IL36G: variants seen among roughly 807,000 people sequenced by gnomAD.
IL36G encodes interleukin 36 gamma.
In IL36G, 10 loss-of-function variants were observed where a neutral mutation model predicts 13.5. That is an observed-to-expected ratio of 0.74 (90% CI 0.46 to 1.26). IL36G has a LOEUF of 1.26. IL36G is among the 50% of genes most tolerant of loss of function. The pLI is 0.00. For missense variants in IL36G, 199 were observed against 203.0 expected, an observed-to-expected ratio of 0.98 and a Z score of 0.12; for synonymous variants, 84 against 74.0, an observed-to-expected ratio of 1.13 and a Z score of -0.69.
chr2:112,978,733 G>A (rs749349270), intron 2 of IL36G, 40 bp downstream of exon 2: 1 of 1,592,664 alleles, frequency 6.3e-7, no homozygotes, highest in South Asian at 1.1e-5. Context: ...TGGAGGCTTA[G>A]GCCCTCTGCA....
intron 4 of IL36G, chr2:112,981,317 T>C: frequency 1.1e-6 from 1 of 946,770 alleles, no homozygotes; most frequent in Admixed American, 1.7e-5. Context: ...ATTTTTAGGC[T>C]TGGCCTCTGG....
rs1201041305 is a variant in IL36G, at chr2:112,980,132, C to A, written c.284C>A (p.Pro95His). 6.2e-7 allele frequency: 1 copy of A among 1,613,568 alleles called. No individual in the cohort carries two copies. The highest frequency in any genetic ancestry group is 1.1e-5 in the South Asian group (1 of 90,900). Residue 95 changes from proline (P) to histidine (H), a missense_variant, in exon 4 of 5, where the codon CCC becomes CAC. By Grantham distance (77) the Pro-to-His change is moderately conservative (BLOSUM62 -2). Coordinates refer to ENST00000259205, the MANE Select transcript of IL36G (RefSeq NM_019618.4). ...TATTGTGAGAAGGTTGGAGAACAGC[C>A]CACATTGCAGCTAAAAGTGAGTAGC... is the stretch of plus-strand genomic sequence containing the variant. ...CLYCEKVGEQ[P>H]TLQLKEQKIM...
At chr2:112,981,419 C>G (rs1331687945) in intron 4 of IL36G, 1 of 711,888 alleles carries the variant, frequency 1.4e-6, no homozygotes, top group Non-Finnish European at 2.6e-6. Flanking sequence ...TCCCCTTCAG[C>G]CTTTCTCCTG....
chr2:112,979,794 C>T (rs1377782232), intron 3 of IL36G, among the ~76,000 whole-genome samples: 1 of 152,050 alleles, frequency 6.6e-6, no homozygotes, highest in Admixed American at 6.6e-5. Context: ...CTGCTTAGCT[C>T]TCTGTGTTTG....
intron 4 of IL36G, among the ~76,000 whole-genome samples, chr2:112,984,449 C>T (rs1391778249): frequency 6.6e-6 from 1 of 152,156 alleles, no homozygotes; most frequent in East Asian, 1.9e-4. Context: ...TGTCCTTTGT[C>T]ACGCCGGTGG....
chr2:112,983,818 C>T (rs1684307156), intron 4 of IL36G, among the ~76,000 whole-genome samples: 1 of 152,098 alleles, frequency 6.6e-6, no homozygotes, highest in African/African-American at 2.4e-5. Context: ...AGTTCACTTA[C>T]CTGCCTTATG....
In IL36G at chr2:112,980,915, G is replaced by T. The variant is rs1263093513; in HGVS notation, c.300+767G>T. Among the ~76,000 whole-genome samples, 6 of 152,222 alleles carry T rather than the reference G, an allele frequency of 3.9e-5. No individual in the cohort carries two copies. In the South Asian group the frequency reaches 1.0e-3, roughly 26 times the overall value. On this transcript the variant is annotated intron_variant, in intron 4 of 4. Transcript: ENST00000259205. Reference sequence around the variant, plus strand: ...AGTCAGAGAATCCCTCCTCCTGGGAGCCAAGAGGAACTCTCTCAAAACTAG... The same window carrying T: ...AGTCAGAGAATCCCTCCTCCTGGGATCCAAGAGGAACTCTCTCAAAACTAG...
At chr2:112,978,494 C>T (rs1261242141) in intron 1 of IL36G, 126 bp from the exon 2 acceptor site, 1 of 727,368 alleles carries the variant, frequency 1.4e-6, no homozygotes. Flanking sequence ...AGAACTTCTG[C>T]CCAGAGCTTC....
chr2:112,984,761 T>G, intron 4 of IL36G, 79 bp from the exon 5 acceptor site: 1 of 1,211,670 alleles, frequency 8.3e-7, no homozygotes, highest in Non-Finnish European at 1.2e-6. Context: ...TTGGAACATT[T>G]ATTGAATTAT....
At chr2:112,981,972 C>T (rs1010117010) in intron 4 of IL36G, among the ~76,000 whole-genome samples, 1 of 152,128 alleles carries the variant, frequency 6.6e-6, no homozygotes, top group Admixed American at 6.5e-5. Flanking sequence ...TGGGTACTTC[C>T]TGGCCTCTAG....
chr2:112,978,880 C>T (rs558744346), intron 2 of IL36G, among the ~76,000 whole-genome samples, 187 bp downstream of exon 2: 1 of 152,346 alleles, frequency 6.6e-6, no homozygotes, highest in Admixed American at 6.5e-5. Flanking sequence ...ACTGATCCAG[C>T]TCCAGTCCCC....
In IL36G at chr2:112,985,076, C is replaced by A; in HGVS notation, c.*27C>A. The A allele has an allele frequency of 1.9e-6, 3 of 1,549,582 alleles. No individual in the cohort carries two copies. The highest frequency in any genetic ancestry group is 2.7e-6 in the Non-Finnish European group (3 of 1,126,758). On this transcript the variant is annotated 3_prime_UTR_variant, in exon 5 of 5. Coordinates refer to ENST00000259205, the MANE Select transcript of IL36G (RefSeq NM_019618.4). Reference sequence around the variant, plus strand: ...CTCAGCCTAGAGGTGGCAGCTTGGTCTTTGTCTTAAAGTTTCTGGTTCCCA... The same window carrying A: ...CTCAGCCTAGAGGTGGCAGCTTGGTATTTGTCTTAAAGTTTCTGGTTCCCA...
chr2:112,983,581 G>A (rs1358820320), intron 4 of IL36G, among the ~76,000 whole-genome samples: 1 of 151,994 alleles, frequency 6.6e-6, no homozygotes, highest in Non-Finnish European at 1.5e-5. Flanking sequence ...GGGAGAGTAA[G>A]TGCCAGGACC....
chr2:112,980,961 A>G (rs1684250652), intron 4 of IL36G, among the ~76,000 whole-genome samples: 1 of 152,244 alleles, frequency 6.6e-6, no homozygotes, highest in African/African-American at 2.4e-5. Flanking sequence ...TGTTTTCCCC[A>G]CATCGATCCA....
Position 112,984,935 on chromosome 2 carries a change from T to G in IL36G, c.396T>G (p.Ser132=), listed in dbSNP as rs1684326492. 1 of 1,613,998 alleles carries G rather than the reference T, an allele frequency of 6.2e-7. No homozygotes were observed. The highest frequency in any genetic ancestry group is 1.3e-5 in the African/African-American group (1 of 74,926). Residue 132 remains serine, a synonymous_variant, in exon 5 of 5, where the codon TCT becomes TCG. Coordinates refer to ENST00000259205, the MANE Select transcript of IL36G (RefSeq NM_019618.4). The stretch of plus-strand genomic sequence containing the variant: ...CTGGTAGGACCTCCACCCTTGAGTC[T>G]GTGGCCTTCCCGGACTGGTTCATTG... ...AKTGRTSTLE[S]VAFPDWFIAS...
At chr2:112,978,433 C>G (rs868023735) in intron 1 of IL36G, among the ~76,000 whole-genome samples, 187 bp from the exon 2 acceptor site, 20 of 152,152 alleles carry the variant, frequency 1.3e-4, no homozygotes, top group Admixed American at 3.9e-4. Flanking sequence ...AAAATTCTAC[C>G]TGTTCTCCCT....
chr2:112,981,035 G>T (rs755146639), intron 4 of IL36G: 6 of 624,004 alleles, frequency 9.6e-6, no homozygotes, highest in Non-Finnish European at 1.7e-5. Context: ...GAAGTGTTCT[G>T]GGTGCTAACA....
intron 2 of IL36G, 122 bp downstream of exon 2, chr2:112,978,815 T>G (rs1684211953): frequency 6.3e-6 from 6 of 951,560 alleles, no homozygotes; most frequent in Non-Finnish European, 9.9e-6. Flanking sequence ...CACCTGGTGC[T>G]GCCCACCTAC....
chr2:112,980,996 C>T (rs796660073), intron 4 of IL36G, among the ~76,000 whole-genome samples: 16 of 152,354 alleles, frequency 1.1e-4, no homozygotes, highest in African/African-American at 3.4e-4. Flanking sequence ...CTATTAGTGA[C>T]ATATGCCCCT....
Sources: allele counts gnomAD v4.1 joint callset (sites outside exome capture counted in the v4.1 genomes callset), GRCh38; gene constraint gnomAD v4.1.1; transcripts MANE v1.5; gene names NCBI Gene and HGNC (gene_info 2026-07-23, HGNC 2026-07-21).